The following WWOX variants were observed in gnomAD, a reference collection of about 807,000 sequenced individuals.
WWOX encodes WW domain-containing oxidoreductase.
WWOX carries 69 observed loss-of-function variants against 46.2 expected under a neutral mutation model. The ratio of observed to expected loss-of-function variants is 1.49; its 90% CI spans 1.23 to 1.82. The LOEUF is 1.82. WWOX is among the 40% of genes most tolerant of loss of function. The pLI, the probability that WWOX is intolerant of heterozygous loss-of-function variation, is 0.00. For missense variants in WWOX, 919 were observed against 542.6 expected, an observed-to-expected ratio of 1.69 and a Z score of -6.89; for synonymous variants, 359 against 202.6, an observed-to-expected ratio of 1.77 and a Z score of -6.56.
intron 8 of WWOX, among the ~76,000 whole-genome samples, chr16:78,864,484 A>G (rs112549860): frequency 0.024 from 3,669 of 152,008 alleles, 141 homozygotes; most frequent in African/African-American, 0.083. Context: ...GCCAAGGCTG[A>G]TCTTACACTC....
intron 8 of WWOX, among the ~76,000 whole-genome samples, chr16:78,581,510 A>G (rs150431621): frequency 5.3e-5 from 8 of 152,308 alleles, no homozygotes; most frequent in African/African-American, 1.2e-4. Context: ...GTGACTGCCA[A>G]CGTGCTAGTC....
intron 8 of WWOX, among the ~76,000 whole-genome samples, chr16:78,944,990 G>A (rs2045922044): frequency 6.6e-6 from 1 of 152,080 alleles, no homozygotes; most frequent in African/African-American, 2.4e-5. Context: ...ACCAGCCTGA[G>A]CAACATGGTG....
At chr16:78,793,878 C>T (rs1038131259) in intron 8 of WWOX, among the ~76,000 whole-genome samples, 1 of 151,802 alleles carries the variant, frequency 6.6e-6, no homozygotes, top group African/African-American at 2.4e-5. Flanking sequence ...GAGTTCAAGA[C>T]CTCCTCATCT....
At chr16:78,661,581 T>A (rs999562770) in intron 8 of WWOX, among the ~76,000 whole-genome samples, 4 of 144,654 alleles carry the variant, frequency 2.8e-5, no homozygotes, top group African/African-American at 1.0e-4. Flanking sequence ...TCATTTTCCG[T>A]AAAGGTAGGA....
chr16:78,285,770 C>G (rs79763442), intron 5 of WWOX, among the ~76,000 whole-genome samples: 3,758 of 152,260 alleles, frequency 0.025, 63 homozygotes, highest in Non-Finnish European at 0.037. Flanking sequence ...AGGTTGCTTA[C>G]TTCAAGAGCC....
intron 8 of WWOX, among the ~76,000 whole-genome samples, chr16:78,930,193 G>C (rs1265353366): frequency 2.1e-5 from 3 of 146,016 alleles, no homozygotes; most frequent in African/African-American, 7.6e-5. Flanking sequence ...CCATACCCCA[G>C]AGCCTGGGGT....
chr16:78,514,065 T>C (rs1384210081), intron 8 of WWOX, among the ~76,000 whole-genome samples: 1 of 152,208 alleles, frequency 6.6e-6, no homozygotes, highest in African/African-American at 2.4e-5. Context: ...ACCTATTCTG[T>C]TAATAGAATG....
chr16:78,134,876 C>T (rs2033733647), intron 4 of WWOX, among the ~76,000 whole-genome samples: 1 of 152,138 alleles, frequency 6.6e-6, no homozygotes, highest in African/African-American at 2.4e-5. Context: ...ATATGGTGAT[C>T]CCACTGTGGA....
chr16:79,150,478 C>T (rs1256498231), intron 8 of WWOX, among the ~76,000 whole-genome samples: 1 of 152,060 alleles, frequency 6.6e-6, no homozygotes, highest in Non-Finnish European at 1.5e-5. Flanking sequence ...ATCTATGTCC[C>T]CAATATAGGG....
intron 8 of WWOX, among the ~76,000 whole-genome samples, chr16:79,021,036 A>C (rs1597287544): frequency 6.6e-6 from 1 of 152,328 alleles, no homozygotes; most frequent in East Asian, 1.9e-4. Flanking sequence ...CACAAGCTTC[A>C]AAAAGTTTTC....
At chr16:78,790,862 T>C (rs190824209) in intron 8 of WWOX, among the ~76,000 whole-genome samples, 2 of 151,394 alleles carry the variant, frequency 1.3e-5, no homozygotes, top group East Asian at 3.9e-4. Context: ...CTACAAAAAA[T>C]ACAAAAATTA....
At chr16:78,804,692 T>C (rs1447039013) in intron 8 of WWOX, among the ~76,000 whole-genome samples, 2 of 152,230 alleles carry the variant, frequency 1.3e-5, no homozygotes, top group African/African-American at 2.4e-5. Context: ...ATTTCTGTTT[T>C]TTTTCTAATT....
At chr16:78,534,068 A>T (rs557770606) in intron 8 of WWOX, among the ~76,000 whole-genome samples, 53 of 152,328 alleles carry the variant, frequency 3.5e-4, no homozygotes, top group Non-Finnish European at 5.9e-5. Flanking sequence ...TGTAAATCAT[A>T]TTTGGAAAAT....
Position 78,422,752 on chromosome 16 carries a change from TATATACAC to T in WWOX, c.606-2112_606-2105del, listed in dbSNP as rs1567563465. Reference sequence around the variant, plus strand: ...ATATACACACACATATATATACACATATATACACATATATATACACACATATATATATA... The same window carrying T: ...ATATACACACACATATATATACACATATATATATACACACATATATATATA... On this transcript the variant is annotated intron_variant, in intron 6 of 8. Coordinates refer to ENST00000566780, the MANE Select transcript of WWOX (RefSeq NM_016373.4). Among the ~76,000 whole-genome samples, 81 of 101,578 alleles carry T rather than the reference TATATACAC, an allele frequency of 8.0e-4. 1 individual carries two copies. Among genetic ancestry groups the T allele is most frequent in the African/African-American group, 5.7e-3 (80 of 14,086 alleles). The allele number at this position is 101,578 out of a possible 152,430, so 66.6% of individuals were successfully genotyped here.
chr16:78,677,143 T>C (rs541314082), intron 8 of WWOX, among the ~76,000 whole-genome samples: 6 of 152,222 alleles, frequency 3.9e-5, no homozygotes, highest in Admixed American at 3.9e-4. Context: ...ACACAGTGTT[T>C]ACAGACCCCA....
chr16:79,007,409 G>A (rs2047212133), intron 8 of WWOX, among the ~76,000 whole-genome samples: 1 of 152,218 alleles, frequency 6.6e-6, no homozygotes, highest in African/African-American at 2.4e-5. Flanking sequence ...GAGACACTCA[G>A]AGAAATCACT....
chr16:78,195,786 C>T (rs1409374233), intron 5 of WWOX, among the ~76,000 whole-genome samples: 3 of 137,568 alleles, frequency 2.2e-5, no homozygotes, highest in Non-Finnish European at 4.5e-5. Flanking sequence ...CGCACCACTG[C>T]ACTCCGGCCT....
In WWOX at chr16:79,002,283, G is replaced by C. The variant is rs926184619; in HGVS notation, c.1057-209325G>C. 3.7e-5 allele frequency among the ~76,000 whole-genome samples: 5 copies of C among 136,444 alleles called. No homozygotes were observed. In the South Asian group the frequency reaches 9.5e-4, roughly 26 times the overall value. 89.5% of individuals were successfully genotyped at this position (136,444 alleles called of 152,430 possible). A position where few individuals can be genotyped will look rare whatever the true frequency, so the allele number is the denominator to read the frequency against. On this transcript the variant is annotated intron_variant, in intron 8 of 8. Transcript: ENST00000566780. The stretch of plus-strand genomic sequence containing the variant: ...TTCTTGCCCAGGCTGGAGTGCAATG[G>C]CGTGATCTCAGCTCACTGCAGCCTC...
At chr16:78,514,124 C>G (rs2085431129) in intron 8 of WWOX, among the ~76,000 whole-genome samples, 1 of 152,192 alleles carries the variant, frequency 6.6e-6, no homozygotes, top group African/African-American at 2.4e-5. Flanking sequence ...TTTAGAAAGA[C>G]TTTCTCTATA....
Sources: allele counts gnomAD v4.1 joint callset (sites outside exome capture counted in the v4.1 genomes callset), GRCh38; gene constraint gnomAD v4.1.1; transcripts MANE v1.5; gene names NCBI Gene and HGNC (gene_info 2026-07-23, HGNC 2026-07-21).